The following CKAP5 variants were observed in gnomAD, a reference collection of about 807,000 sequenced individuals.
The protein encoded by CKAP5 is cytoskeleton-associated protein 5.
Under a neutral mutation model 232.8 loss-of-function variants are expected in CKAP5, and 27 were observed. The observed-to-expected ratio is 0.12, with a 90% confidence interval of 0.09 to 0.16. CKAP5 has a LOEUF of 0.16. Among genes scored for constraint, CKAP5 ranks in the 10% least tolerant of loss-of-function variants. The probability of loss-of-function intolerance (pLI) is 1.00; values close to 1 mark genes in which losing one functional copy is unlikely to be tolerated. For synonymous variants in CKAP5, 785 were observed against 841.1 expected (o/e 0.93, Z 1.16); for missense variants, 1,838 against 2,424.7 (o/e 0.76, Z 5.08).
intron 26 of CKAP5, 59 bp from the exon 27 acceptor site, chr11:46,767,722 A>G: frequency 1.9e-6 from 2 of 1,071,838 alleles, no homozygotes; most frequent in Non-Finnish European, 2.7e-6. Flanking sequence ...TTTATTTTGG[A>G]CAGGTTAAAT....
chr11:46,777,658 T>C (rs891006255), intron 22 of CKAP5, 106 bp from the exon 23 acceptor site: 9 of 687,500 alleles, frequency 1.3e-5, no homozygotes, highest in Non-Finnish European at 2.3e-5. Context: ...ATTTTTGGCC[T>C]ACTCAAGAGA....
chr11:46,783,765 G>A (rs2065362324), intron 17 of CKAP5, among the ~76,000 whole-genome samples: 1 of 151,956 alleles, frequency 6.6e-6, no homozygotes, highest in African/African-American at 2.4e-5. Context: ...GAGTACAGTG[G>A]CGTGATCTCG....
chr11:46,761,276 A>G (rs1411315235), intron 32 of CKAP5, among the ~76,000 whole-genome samples: 1 of 151,770 alleles, frequency 6.6e-6, no homozygotes, highest in African/African-American at 2.4e-5. Flanking sequence ...GAAACGATAA[A>G]AAAAAGAAAG....
At position 46,818,322 on chromosome 11, in the gene CKAP5, T is replaced by C; in HGVS notation, c.239A>G (p.His80Arg). ...AGAAAGTACTTACTTTCCTGCTACA[T>C]GGGCATTTTCAACATAAACAAGTGC... The part of the protein sequence containing the change: ...EAALVYVENA[H>R]VAGKTTGEVV... Residue 80 changes from histidine (H) to arginine (R), a missense_variant, in exon 3 of 44, where the codon CAT becomes CGT. Coordinates refer to ENST00000529230, the MANE Select transcript of CKAP5 (RefSeq NM_001008938.4). The C allele has an allele frequency of 1.9e-6, 3 of 1,588,292 alleles. No homozygotes were observed. The highest frequency in any genetic ancestry group is 2.6e-6 in the Non-Finnish European group (3 of 1,170,676).
chr11:46,761,054 G>C (rs1027935755), intron 32 of CKAP5, among the ~76,000 whole-genome samples: 11 of 152,184 alleles, frequency 7.2e-5, no homozygotes, highest in African/African-American at 2.2e-4. Flanking sequence ...TTTGACACCA[G>C]CTTGGGCAAC....
At chr11:46,776,769 C>T (rs1258411745) in intron 23 of CKAP5, among the ~76,000 whole-genome samples, 1 of 151,982 alleles carries the variant, frequency 6.6e-6, no homozygotes, top group Non-Finnish European at 1.5e-5. Context: ...AAGACTGAAA[C>T]TGCTAATAAA....
intron 13 of CKAP5, among the ~76,000 whole-genome samples, chr11:46,790,831 T>G (rs1013631629): frequency 6.6e-6 from 1 of 151,986 alleles, no homozygotes; most frequent in African/African-American, 2.4e-5. Flanking sequence ...AAATTTTTTT[T>G]GTAGAGACAG....
intron 32 of CKAP5, 21 bp from the exon 33 acceptor site, chr11:46,760,805 G>A (rs750036047): frequency 6.2e-7 from 1 of 1,605,894 alleles, no homozygotes; most frequent in South Asian, 1.1e-5. Flanking sequence ...GCCAAATTTA[G>A]AAACCTAACT....
chr11:46,758,842 A>C, intron 35 of CKAP5, 81 bp downstream of exon 35: 1 of 1,486,944 alleles, frequency 6.7e-7, no homozygotes, highest in Non-Finnish European at 9.2e-7. Context: ...TAATGCTATG[A>C]CTCTGCGAGT....
At chr11:46,814,687 T>A (rs149937114) in intron 4 of CKAP5, among the ~76,000 whole-genome samples, 1 of 152,202 alleles carries the variant, frequency 6.6e-6, no homozygotes, top group Non-Finnish European at 1.5e-5. Flanking sequence ...GCAAATTACA[T>A]CCACTTGTTC....
At chr11:46,844,943 C>A (rs1019363330) in intron 1 of CKAP5, among the ~76,000 whole-genome samples, 1 of 152,136 alleles carries the variant, frequency 6.6e-6, no homozygotes, top group African/African-American at 2.4e-5. Context: ...CGTCAGCCAC[C>A]GCGCCCAGCC....
At chr11:46,783,510 T>C (rs1282834129) in intron 17 of CKAP5, 142 bp from the exon 18 acceptor site, 17 of 563,530 alleles carry the variant, frequency 3.0e-5, no homozygotes, top group Non-Finnish European at 5.3e-5. Flanking sequence ...AGAGTGAACC[T>C]ACACAAGAAA....
intron 31 of CKAP5, 84 bp from the exon 32 acceptor site, chr11:46,762,277 A>C (rs1404405814): frequency 5.0e-6 from 7 of 1,399,396 alleles, no homozygotes; most frequent in Non-Finnish European, 7.0e-6. Context: ...TTCCCTTGGC[A>C]TATATGAAGG....
intron 27 of CKAP5, among the ~76,000 whole-genome samples, chr11:46,767,025 C>CTTTT (rs201717812): frequency 2.0e-5 from 3 of 151,362 alleles, no homozygotes; most frequent in African/African-American, 7.3e-5. Flanking sequence ...CAAATGCTTT[C>CTTTT]TCCTTTTTTT....
chr11:46,837,085 C>T (rs1939934989), intron 1 of CKAP5, among the ~76,000 whole-genome samples: 1 of 152,138 alleles, frequency 6.6e-6, no homozygotes, highest in South Asian at 2.1e-4. Flanking sequence ...AGGAACTGCA[C>T]AGAAGTATGT....
Position 46,828,359 on chromosome 11 carries a change from T to C in CKAP5, c.-37-7091A>G, listed in dbSNP as rs1262294821. Among the ~76,000 whole-genome samples, 3 of 152,342 alleles carry C rather than the reference T, an allele frequency of 2.0e-5. No individual in the cohort carries two copies. In the East Asian group the frequency reaches 5.8e-4, roughly 29 times the overall value. ...CAAGACAGTCTCATTCTACAATGCA[T>C]TTAACTGTAAAGAATACCTCTGAAT... On this transcript the variant is annotated intron_variant, in intron 1 of 43. Coordinates refer to ENST00000529230, the MANE Select transcript of CKAP5 (RefSeq NM_001008938.4).
chr11:46,759,395 C>T lies in CKAP5; in HGVS notation c.4442G>A (p.Arg1481His), dbSNP rs1209391506. 8.7e-6 allele frequency: 14 copies of T among 1,613,920 alleles called. No individual in the cohort carries two copies. The highest frequency in any genetic ancestry group is 3.3e-5 in the South Asian group (3 of 91,068). ...SGHPEAAQMVRREFQLDLDEI... is the reference protein window; with the variant it reads ...SGHPEAAQMVHREFQLDLDEI... ...ATCTAGATCCAGCTGGAATTCTCGGCGGACCATCTGGGCTGCCTCAGGATG... is the reference window on the plus strand; with the variant it reads ...ATCTAGATCCAGCTGGAATTCTCGGTGGACCATCTGGGCTGCCTCAGGATG... The change falls in exon 34 of 44, where the codon CGC (arginine) becomes CAC (histidine). Residue 1481 changes from arginine (R) to histidine (H), a missense_variant. Around this residue, in one of 6 missense-constraint regions of CKAP5, gnomAD observed 579 missense variants for 843.2 expected, o/e 0.69. Coordinates refer to ENST00000529230, the MANE Select transcript of CKAP5 (RefSeq NM_001008938.4).
chr11:46,769,937 C>A (rs781352663), intron 26 of CKAP5, 26 bp downstream of exon 26: 1 of 1,613,366 alleles, frequency 6.2e-7, no homozygotes, highest in Admixed American at 1.7e-5. Context: ...TTTCCTTCCC[C>A]TTTAACCTTC....
chr11:46,846,000 C>G (rs1314090484), intron 1 of CKAP5, among the ~76,000 whole-genome samples: 3 of 151,722 alleles, frequency 2.0e-5, no homozygotes, highest in Non-Finnish European at 2.9e-5. Flanking sequence ...GGAGCCCAAC[C>G]CCGGCCTCCG....
Sources: gnomAD v4.1 joint callset for allele counts (sites outside exome capture counted in the v4.1 genomes callset) on GRCh38, gnomAD v4.1.1 for gene constraint, gnomAD v4.1.1 regional missense constraint, MANE v1.5 for transcripts, NCBI Gene and HGNC (gene_info 2026-07-23, HGNC 2026-07-21) for gene names.